The following RBFOX1 variants were observed in gnomAD, a reference collection of about 807,000 sequenced individuals.
The protein encoded by RBFOX1 is RNA binding fox-1 homolog 1.
A neutral mutation model predicts 57.7 loss-of-function variants in RBFOX1; 8 were observed. The ratio of observed to expected loss-of-function variants is 0.14; its 90% CI spans 0.08 to 0.25. The LOEUF is 0.25. RBFOX1 is among the 10% of genes least tolerant of loss of function. The pLI is 1.00. For synonymous variants in RBFOX1, 326 were observed against 222.4 expected (o/e 1.47, Z -4.15); for missense variants, 611 against 548.5 (o/e 1.11, Z -1.14).
intron 1 of RBFOX1, among the ~76,000 whole-genome samples, chr16:5,361,756 C>G (rs2065558408): frequency 6.6e-6 from 1 of 152,192 alleles, no homozygotes; most frequent in South Asian, 2.1e-4. Context: ...TGTATTCTTG[C>G]TCAGGCCACC....
At chr16:6,791,986 T>C (rs1475209577) in intron 3 of RBFOX1, among the ~76,000 whole-genome samples, 1 of 152,198 alleles carries the variant, frequency 6.6e-6, no homozygotes, top group Non-Finnish European at 1.5e-5. Context: ...ATTTATAGTC[T>C]GACTTTGAAC....
At chr16:7,487,697 A>G (rs148772378) in intron 4 of RBFOX1, among the ~76,000 whole-genome samples, 2 of 152,146 alleles carry the variant, frequency 1.3e-5, no homozygotes, top group African/African-American at 2.4e-5. Flanking sequence ...ACACACATGC[A>G]TTCAAACCTC....
At chr16:7,693,911 C>T (rs893523574) in intron 14 of RBFOX1, among the ~76,000 whole-genome samples, 1 of 152,164 alleles carries the variant, frequency 6.6e-6, no homozygotes, top group East Asian at 1.9e-4. Flanking sequence ...TCTTATAAAA[C>T]ATCTCTCAAG....
chr16:5,696,618 C>G (rs1423465329), intron 3 of RBFOX1, among the ~76,000 whole-genome samples: 1 of 152,082 alleles, frequency 6.6e-6, no homozygotes, highest in African/African-American at 2.4e-5. Context: ...CTTTGCACCT[C>G]TATGTGAATT....
At chr16:5,501,644 G>C (rs986763228) in intron 2 of RBFOX1, among the ~76,000 whole-genome samples, 1 of 152,194 alleles carries the variant, frequency 6.6e-6, no homozygotes, top group Non-Finnish European at 1.5e-5. Context: ...TATTAAATGA[G>C]ATGATGCCGT....
intron 1 of RBFOX1, among the ~76,000 whole-genome samples, chr16:5,338,370 G>C (rs1406309806): frequency 1.3e-5 from 2 of 152,192 alleles, no homozygotes; most frequent in Non-Finnish European, 2.9e-5. Flanking sequence ...GCTGTTGCCT[G>C]TCTGTGGGAC....
chr16:6,519,106 C>A (rs149962907), intron 2 of RBFOX1, among the ~76,000 whole-genome samples: 1 of 151,688 alleles, frequency 6.6e-6, no homozygotes, highest in Non-Finnish European at 1.5e-5. Flanking sequence ...TGGAAAGGCA[C>A]AAAGTGGAAA....
chr16:5,801,309 GTCTCTA>G (rs1352123995), intron 3 of RBFOX1, among the ~76,000 whole-genome samples: 64 of 123,814 alleles, frequency 5.2e-4, no homozygotes, highest in Admixed American at 5.0e-3. Context: ...AGATTTTAAA[GTCTCTA>G]TCTGCCTCTC....
intron 4 of RBFOX1, among the ~76,000 whole-genome samples, chr16:7,489,603 A>G (rs537031271): frequency 6.6e-6 from 1 of 151,764 alleles, no homozygotes; most frequent in African/African-American, 2.4e-5. Flanking sequence ...GCAGCCTCGA[A>G]CTCCCGGACT....
At chr16:7,457,042 C>T (rs1321343012) in intron 4 of RBFOX1, among the ~76,000 whole-genome samples, 1 of 152,132 alleles carries the variant, frequency 6.6e-6, no homozygotes, top group Non-Finnish European at 1.5e-5. Context: ...CACGCACCAC[C>T]ACGCCCGGCT....
intron 4 of RBFOX1, among the ~76,000 whole-genome samples, chr16:5,999,986 A>G (rs1189489138): frequency 6.6e-6 from 1 of 151,162 alleles, no homozygotes; most frequent in Non-Finnish European, 1.5e-5. Context: ...CCACAGCTTT[A>G]TAAGGAACAA....
At chr16:6,906,529 TA>T (rs1420936849) in intron 3 of RBFOX1, among the ~76,000 whole-genome samples, 2 of 152,160 alleles carry the variant, frequency 1.3e-5, no homozygotes, top group Non-Finnish European at 2.9e-5. Context: ...ATCTAATCTC[TA>T]GAAACTTTTC....
At chr16:7,632,620 C>T (rs1008469732) in intron 11 of RBFOX1, among the ~76,000 whole-genome samples, 6 of 152,146 alleles carry the variant, frequency 3.9e-5, no homozygotes, top group African/African-American at 1.2e-4. Flanking sequence ...TAGCCTTCCT[C>T]GTCTATATTA....
chr16:7,279,522 A>G (rs182682400), intron 4 of RBFOX1, among the ~76,000 whole-genome samples: 284 of 152,206 alleles, frequency 1.9e-3, no homozygotes, highest in African/African-American at 6.5e-3. Context: ...GCCCTGTCCT[A>G]TTGGTGCTTG....
chr16:6,999,718 G>T (rs1237396821), intron 3 of RBFOX1, among the ~76,000 whole-genome samples: 3 of 151,606 alleles, frequency 2.0e-5, no homozygotes, highest in African/African-American at 7.3e-5. Context: ...TATGTATATT[G>T]GAAAAAATGA....
At chr16:5,860,365 G>A (rs1192134534) in intron 3 of RBFOX1, among the ~76,000 whole-genome samples, 4 of 152,152 alleles carry the variant, frequency 2.6e-5, no homozygotes, top group Admixed American at 6.5e-5. Context: ...GTGAGCCACC[G>A]CGCCTGGCCT....
chr16:5,462,211 C>G (rs1407336789), intron 1 of RBFOX1, among the ~76,000 whole-genome samples: 1 of 146,862 alleles, frequency 6.8e-6, no homozygotes, highest in African/African-American at 2.5e-5. Flanking sequence ...CTCTGTCACC[C>G]AGGCTGGAGT....
chr16:6,979,385 T>G (rs1420136107), intron 3 of RBFOX1, among the ~76,000 whole-genome samples: 1 of 54,518 alleles, frequency 1.8e-5, no homozygotes, highest in Non-Finnish European at 3.4e-5. Flanking sequence ...CTGAGCACTT[T>G]CCATTGTGCG....
chr16:7,066,228 G>C (rs184877527), intron 4 of RBFOX1, among the ~76,000 whole-genome samples: 1 of 152,206 alleles, frequency 6.6e-6, no homozygotes, highest in South Asian at 2.1e-4. Context: ...ATAGCTAATT[G>C]TGGAGCTGGG....
Sources: allele counts gnomAD v4.1 joint callset (sites outside exome capture counted in the v4.1 genomes callset), GRCh38; gene constraint gnomAD v4.1.1; transcripts MANE v1.5; gene names NCBI Gene and HGNC (gene_info 2026-07-23, HGNC 2026-07-21).